Variants in SLC16A12 observed in about 807,000 individuals in gnomAD.
SLC16A12 encodes the protein monocarboxylate transporter 12.
A neutral mutation model predicts 42.4 loss-of-function variants in SLC16A12; 17 were observed. That is an observed-to-expected ratio of 0.40 (90% confidence interval 0.27 to 0.60). The LOEUF (loss-of-function observed/expected upper bound fraction) is 0.60, where lower values mean the gene tolerates loss of function less well. Ranked by LOEUF, SLC16A12 falls within the 20% of genes least tolerant of loss-of-function variation. The pLI, the probability that SLC16A12 is intolerant of heterozygous loss-of-function variation, is 0.42. For synonymous variants in SLC16A12, 224 were observed against 229.4 expected, an observed-to-expected ratio of 0.98 and a Z score of 0.21; for missense variants, 544 against 623.0, an observed-to-expected ratio of 0.87 and a Z score of 1.35.
intron 2 of SLC16A12, among the ~76,000 whole-genome samples, chr10:89,506,714 C>G (rs190026752): frequency 6.6e-6 from 1 of 152,060 alleles, no homozygotes; most frequent in Non-Finnish European, 1.5e-5. Flanking sequence ...CAAAACTGGA[C>G]AGAGAATGAG....
chr10:89,499,623 T>A (rs1842967591), intron 2 of SLC16A12, among the ~76,000 whole-genome samples: 1 of 152,120 alleles, frequency 6.6e-6, no homozygotes, highest in South Asian at 2.1e-4. Context: ...ACACAACCTA[T>A]CAAAACCTCT....
In SLC16A12 at chr10:89,513,797, G is replaced by A. The variant is rs190140835; in HGVS notation, c.-47+20704C>T. On this transcript the variant is annotated intron_variant, in intron 2 of 7. Transcript: ENST00000371790. ...CCCAAAGAAACCATTTAAACCAGGA[G>A]TATGTGGTTAAATGGGCATTCTTAA... 2.6e-5 allele frequency among the ~76,000 whole-genome samples: 4 copies of A among 152,288 alleles called. No homozygotes were observed. The East Asian group carries it at 7.7e-4, about 29-fold the overall frequency.
chr10:89,466,815 T>C (rs1842407881), intron 2 of SLC16A12, among the ~76,000 whole-genome samples: 1 of 152,206 alleles, frequency 6.6e-6, no homozygotes, highest in Admixed American at 6.5e-5. Flanking sequence ...TCCTGCGTGC[T>C]TCACCTGCCA....
intron 3 of SLC16A12, 91 bp from the exon 4 acceptor site, chr10:89,443,950 C>T (rs1841957665): frequency 1.2e-6 from 1 of 823,032 alleles, no homozygotes; most frequent in African/African-American, 1.7e-5. Context: ...TTAGCTGCTC[C>T]TGTTTCCAAG....
Position 89,439,112 on chromosome 10 carries a change from G to A in SLC16A12, c.520C>T (p.Leu174Phe). ...VGKYFSRRKA[L>F]AYGIAMSGSG... ...CCTGACATGGCGATACCATAAGCAAGGGCTTTCCGTCTGCTGAAGTACTTG... is the reference window on the plus strand; with the variant it reads ...CCTGACATGGCGATACCATAAGCAAAGGCTTTCCGTCTGCTGAAGTACTTG... Residue 174 changes from leucine (L) to phenylalanine (F), a missense_variant, in exon 6 of 8, where the codon CTT becomes TTT. Coordinates refer to ENST00000371790, the MANE Select transcript of SLC16A12 (RefSeq NM_213606.4). 1 of 1,613,840 alleles carries A rather than the reference G, an allele frequency of 6.2e-7. No homozygotes were observed. Among genetic ancestry groups the A allele is most frequent in the Non-Finnish European group, 8.5e-7 (1 of 1,179,914 alleles).
intron 2 of SLC16A12, among the ~76,000 whole-genome samples, chr10:89,520,266 A>G (rs559485742): frequency 6.6e-6 from 1 of 152,344 alleles, no homozygotes; most frequent in East Asian, 1.9e-4. Flanking sequence ...AGGCTGCTTC[A>G]GGAAAACTAT....
chr10:89,452,528 G>T (rs1395899383), intron 3 of SLC16A12, among the ~76,000 whole-genome samples: 5 of 152,166 alleles, frequency 3.3e-5, no homozygotes, highest in Non-Finnish European at 1.5e-5. Flanking sequence ...AAGAAAGGAA[G>T]AAGCTTTCTA....
At chr10:89,468,256 C>A (rs1304973368) in intron 2 of SLC16A12, 1 of 152,200 alleles carries the variant, frequency 6.6e-6, no homozygotes, top group African/African-American at 2.4e-5. Context: ...GGAGAAAGAG[C>A]CTCTCTGCAA....
At chr10:89,436,868 A>AAAG (rs1841799972) in intron 6 of SLC16A12, among the ~76,000 whole-genome samples, 8 of 120,516 alleles carry the variant, frequency 6.6e-5, no homozygotes, top group South Asian at 5.9e-4. Context: ...GAAATAAAGA[A>AAAG]AAAGAAAGAA....
chr10:89,465,374 G>T (rs1411645182), intron 2 of SLC16A12, among the ~76,000 whole-genome samples: 2 of 152,146 alleles, frequency 1.3e-5, no homozygotes, highest in African/African-American at 4.8e-5. Context: ...GATGTGAATT[G>T]CAGCCTGACG....
chr10:89,457,388 C>T (rs1015079240), intron 3 of SLC16A12, among the ~76,000 whole-genome samples: 1 of 152,168 alleles, frequency 6.6e-6, no homozygotes, highest in African/African-American at 2.4e-5. Flanking sequence ...AGCTCAACAT[C>T]ACTGATCATT....
At chr10:89,545,530 A>T (rs1235348538) in intron 2 of SLC16A12, among the ~76,000 whole-genome samples, 1 of 152,172 alleles carries the variant, frequency 6.6e-6, no homozygotes, top group Non-Finnish European at 1.5e-5. Flanking sequence ...CTTCAAGGAG[A>T]ACTACAAACC....
At chr10:89,515,143 A>C (rs1331340007) in intron 2 of SLC16A12, among the ~76,000 whole-genome samples, 1 of 152,032 alleles carries the variant, frequency 6.6e-6, no homozygotes, top group Non-Finnish European at 1.5e-5. Context: ...AAAAAAAGAA[A>C]AGAAAAGCGG....
In SLC16A12 at chr10:89,462,472, C is replaced by G. The variant is rs371285968; in HGVS notation, c.107G>C (p.Arg36Thr). The G allele has an allele frequency of 3.1e-6, 5 of 1,613,924 alleles. No individual in the cohort carries two copies. The highest frequency in any genetic ancestry group is 1.1e-5 in the South Asian group (1 of 91,086). ...ATCTGGAGGGGAGGTAGACCGAGCT[C>G]TATTTACTTTTGCCATGGTTTTTCT... ...EKRKTMAKVN[R>T]ARSTSPPDGG... Residue 36 changes from arginine (R) to threonine (T), a missense_variant, in exon 3 of 8, where the codon AGA (arginine) becomes ACA (threonine). Coordinates refer to ENST00000371790, the MANE Select transcript of SLC16A12 (RefSeq NM_213606.4).
chr10:89,551,732 C>T (rs1033241506), intron 2 of SLC16A12, among the ~76,000 whole-genome samples: 1 of 152,174 alleles, frequency 6.6e-6, no homozygotes, highest in Non-Finnish European at 1.5e-5. Flanking sequence ...GCATCTTCTT[C>T]ATTTTCTCTG....
intron 2 of SLC16A12, among the ~76,000 whole-genome samples, chr10:89,499,866 C>G (rs1440458531): frequency 6.6e-6 from 1 of 152,022 alleles, no homozygotes; most frequent in South Asian, 2.1e-4. Context: ...AAGGATGGTT[C>G]TCTGAAAAGA....
intron 2 of SLC16A12, among the ~76,000 whole-genome samples, chr10:89,510,722 T>C (rs1391410777): frequency 6.6e-6 from 1 of 152,086 alleles, no homozygotes; most frequent in Non-Finnish European, 1.5e-5. Flanking sequence ...AAAGCCAAAA[T>C]AGACAAATGA....
intron 3 of SLC16A12, among the ~76,000 whole-genome samples, chr10:89,445,319 C>T (rs955875069): frequency 1.6e-4 from 24 of 152,354 alleles, no homozygotes; most frequent in African/African-American, 4.6e-4. Context: ...CTGGGAGACA[C>T]CTCCCCGTAG....
intron 2 of SLC16A12, among the ~76,000 whole-genome samples, chr10:89,499,613 A>T (rs907962327): frequency 6.6e-6 from 1 of 152,202 alleles, no homozygotes; most frequent in African/African-American, 2.4e-5. Flanking sequence ...GACAATAGTG[A>T]CACAACCTAT....
Sources: gnomAD v4.1 joint callset for allele counts (sites outside exome capture counted in the v4.1 genomes callset) on GRCh38, gnomAD v4.1.1 for gene constraint, MANE v1.5 for transcripts, NCBI Gene and HGNC (gene_info 2026-07-23, HGNC 2026-07-21) for gene names.